Variants in PLPP4 observed in about 807,000 individuals in gnomAD.
PLPP4 encodes the protein phospholipid phosphatase 4, also known as diacylglycerol pyrophosphate like 2.
Under a neutral mutation model 32.2 loss-of-function variants are expected in PLPP4, and 20 were observed. The ratio of observed to expected loss-of-function variants is 0.62; its 90% CI spans 0.44 to 0.90. The LOEUF is 0.90. Among genes scored for constraint, PLPP4 ranks in the 40% least tolerant of loss-of-function variants. The pLI, the probability that PLPP4 is intolerant of heterozygous loss-of-function variation, is 0.00. For synonymous variants in PLPP4, 127 were observed against 133.0 expected, an observed-to-expected ratio of 0.95 and a Z score of 0.31; for missense variants, 257 against 353.1, an observed-to-expected ratio of 0.73 and a Z score of 2.18.
chr10:120,524,395 G>A (rs889867375), intron 5 of PLPP4, among the ~76,000 whole-genome samples: 8 of 152,102 alleles, frequency 5.3e-5, no homozygotes, highest in African/African-American at 1.9e-4. Flanking sequence ...CTGGACTTGA[G>A]TGACTGGGTA....
At chr10:120,557,272 C>G (rs1014462518) in intron 5 of PLPP4, among the ~76,000 whole-genome samples, 2 of 152,138 alleles carry the variant, frequency 1.3e-5, no homozygotes, top group Non-Finnish European at 2.9e-5. Flanking sequence ...GGTGTAAGAT[C>G]TGTAACAGGT....
intron 1 of PLPP4, among the ~76,000 whole-genome samples, chr10:120,473,939 A>G (rs761826100): frequency 4.6e-5 from 7 of 152,216 alleles, no homozygotes; most frequent in Admixed American, 3.9e-4. Flanking sequence ...GTAGTTTTTT[A>G]TAGCAATGTG....
At chr10:120,500,942 A>T (rs1845218858) in intron 1 of PLPP4, among the ~76,000 whole-genome samples, 1 of 152,184 alleles carries the variant, frequency 6.6e-6, no homozygotes, top group Non-Finnish European at 1.5e-5. Context: ...ATAACACAGC[A>T]ACTAGTCATC....
In PLPP4 at chr10:120,559,414, G is replaced by C. The variant is rs928242498; in HGVS notation, c.446-15717G>C. ...TATTTTATAATCCTTATTAAAGAAA[G>C]AGTACATACACATTGTAGAAAGTTA... On this transcript the variant is annotated intron_variant, in intron 5 of 6. Transcript: ENST00000398250. Among the ~76,000 whole-genome samples the C allele has an allele frequency of 3.3e-5, 5 of 151,898 alleles. 1 individual carries two copies. The highest frequency in any genetic ancestry group is 7.4e-5 in the Non-Finnish European group (5 of 67,982).
At chr10:120,577,665 CA>C (rs1849282276) in intron 6 of PLPP4, among the ~76,000 whole-genome samples, 1 of 152,204 alleles carries the variant, frequency 6.6e-6, no homozygotes, top group Admixed American at 6.5e-5. Context: ...GGGAATCAAA[CA>C]AAAACTGCGT....
chr10:120,532,146 G>A (rs969775206), intron 5 of PLPP4, among the ~76,000 whole-genome samples: 1 of 152,098 alleles, frequency 6.6e-6, no homozygotes, highest in Non-Finnish European at 1.5e-5. Context: ...CCACTTATGA[G>A]TGGGAACATG....
At chr10:120,540,493 C>G (rs1185296023) in intron 5 of PLPP4, among the ~76,000 whole-genome samples, 1 of 152,176 alleles carries the variant, frequency 6.6e-6, no homozygotes, top group Non-Finnish European at 1.5e-5. Flanking sequence ...CCTAGCAGAG[C>G]TTACAGGGCA....
intron 1 of PLPP4, among the ~76,000 whole-genome samples, chr10:120,492,630 C>T (rs1255296552): frequency 6.6e-6 from 1 of 152,150 alleles, no homozygotes; most frequent in African/African-American, 2.4e-5. Context: ...ATATGCCTTG[C>T]CCAAATCACA....
intron 5 of PLPP4, among the ~76,000 whole-genome samples, chr10:120,548,979 C>G (rs1224233577): frequency 1.3e-5 from 2 of 151,748 alleles, no homozygotes; most frequent in African/African-American, 4.8e-5. Context: ...GATATTAGAC[C>G]TTTGTCAGAT....
At chr10:120,493,253 G>A (rs989562703) in intron 1 of PLPP4, among the ~76,000 whole-genome samples, 1 of 152,058 alleles carries the variant, frequency 6.6e-6, no homozygotes, top group Admixed American at 6.6e-5. Flanking sequence ...AACTTTATTC[G>A]TGGGTTCACC....
chr10:120,550,983 A>G (rs1360101092), intron 5 of PLPP4, among the ~76,000 whole-genome samples: 2 of 152,146 alleles, frequency 1.3e-5, no homozygotes, highest in East Asian at 3.8e-4. Context: ...AAATATTTAC[A>G]GTTCATATGT....
At chr10:120,493,488 T>A (rs1460359647) in intron 1 of PLPP4, among the ~76,000 whole-genome samples, 1 of 151,864 alleles carries the variant, frequency 6.6e-6, no homozygotes, top group Non-Finnish European at 1.5e-5. Flanking sequence ...TGAAGAAGAG[T>A]CAGCATGAGC....
At chr10:120,486,212 C>T (rs1375186955) in intron 1 of PLPP4, among the ~76,000 whole-genome samples, 2 of 151,872 alleles carry the variant, frequency 1.3e-5, no homozygotes, top group Non-Finnish European at 2.9e-5. Flanking sequence ...TAAATTCGGG[C>T]AGCCCCGTCA....
At chr10:120,489,959 G>A (rs1844638422) in intron 1 of PLPP4, among the ~76,000 whole-genome samples, 1 of 152,174 alleles carries the variant, frequency 6.6e-6, no homozygotes, top group South Asian at 2.1e-4. Context: ...TAAGTGCTGG[G>A]GATACAGCTC....
intron 1 of PLPP4, among the ~76,000 whole-genome samples, chr10:120,478,239 T>C (rs1218897013): frequency 6.6e-6 from 1 of 152,220 alleles, no homozygotes; most frequent in Non-Finnish European, 1.5e-5. Flanking sequence ...TAGTGACCCA[T>C]GCCTAGGGCT....
At chr10:120,530,060 C>T (rs1190507623) in intron 5 of PLPP4, among the ~76,000 whole-genome samples, 1 of 152,222 alleles carries the variant, frequency 6.6e-6, no homozygotes, top group Non-Finnish European at 1.5e-5. Flanking sequence ...CCCGCGGGTA[C>T]AGCATTCTGC....
At chr10:120,503,728 C>G (rs1845371559) in intron 1 of PLPP4, 90 bp from the exon 2 acceptor site, 5 of 1,590,936 alleles carry the variant, frequency 3.1e-6, no homozygotes. Flanking sequence ...GGATTCCCAC[C>G]CTGAGGGTGC....
intron 5 of PLPP4, among the ~76,000 whole-genome samples, chr10:120,561,077 A>C (rs1490150206): frequency 6.6e-6 from 1 of 152,190 alleles, no homozygotes; most frequent in Non-Finnish European, 1.5e-5. Flanking sequence ...AACCATCTTC[A>C]AATTTTCCCA....
At chr10:120,558,411 C>CT (rs35962206) in intron 5 of PLPP4, among the ~76,000 whole-genome samples, 37,033 of 135,838 alleles carry the variant, frequency 0.27, 5,353 homozygotes, top group Non-Finnish European at 0.33. Context: ...TTCTTTCTTT[C>CT]TTTTTTTTTT....
Sources: allele counts gnomAD v4.1 joint callset (sites outside exome capture counted in the v4.1 genomes callset), GRCh38; gene constraint gnomAD v4.1.1; transcripts MANE v1.5; gene names NCBI Gene and HGNC (gene_info 2026-07-23, HGNC 2026-07-21).